The following SLC35F4 variants were observed in gnomAD, a reference collection of about 807,000 sequenced individuals.
The protein encoded by SLC35F4 is chromosome 14 open reading frame 36.
SLC35F4 carries 24 observed loss-of-function variants against 44.2 expected under a neutral mutation model. The observed-to-expected ratio is 0.54, with a 90% CI of 0.39 to 0.76. The LOEUF (loss-of-function observed/expected upper bound fraction) is 0.76, where lower values mean the gene tolerates loss of function less well. Ranked by LOEUF, SLC35F4 falls within the 30% of genes least tolerant of loss-of-function variation. SLC35F4 has a pLI of 0.00. For missense variants in SLC35F4, 562 were observed against 586.1 expected (o/e 0.96, Z 0.42); for synonymous variants, 238 against 223.6 (o/e 1.06, Z -0.57).
chr14:57,905,154 C>A (rs946332160), intron 1 of SLC35F4, among the ~76,000 whole-genome samples: 1 of 152,154 alleles, frequency 6.6e-6, no homozygotes, highest in Non-Finnish European at 1.5e-5. Context: ...TTAACTGGGG[C>A]TGGAGGATCT....
intron 1 of SLC35F4, among the ~76,000 whole-genome samples, chr14:57,970,903 T>A (rs1034121006): frequency 1.3e-5 from 2 of 152,190 alleles, no homozygotes; most frequent in African/African-American, 4.8e-5. Flanking sequence ...CTGAAGGACA[T>A]TTTTTCCTCT....
At position 57,581,397 on chromosome 14, in the gene SLC35F4, C is replaced by T. The variant is rs753191145; in HGVS notation, c.624G>A (p.Thr208=). ...CAGTTCTTTTAAGAAAGAGTTTCAG[C>T]GTCAGACCATCTTCACCAAAAATCC... The part of the protein sequence containing the change: ...CSRIFGEDGL[T]LKLFLKRTAP... The change falls in exon 4 of 8, where the codon ACG becomes ACA. Residue 208 remains threonine, a synonymous_variant. Coordinates refer to ENST00000556826, the MANE Select transcript of SLC35F4 (RefSeq NM_001306087.2). The T allele has an allele frequency of 1.4e-5, 22 of 1,612,078 alleles. No homozygotes were observed. The highest frequency in any genetic ancestry group is 1.1e-4 in the South Asian group (10 of 90,530).
chr14:57,833,051 C>T (rs1468047324), intron 1 of SLC35F4, among the ~76,000 whole-genome samples: 4 of 152,078 alleles, frequency 2.6e-5, no homozygotes, highest in Admixed American at 6.6e-5. Context: ...ATTAATTAGG[C>T]AAACTAAAAT....
At chr14:57,802,826 GCAAGCAAAAAACA>G (rs2078222191) in intron 1 of SLC35F4, among the ~76,000 whole-genome samples, 1 of 151,826 alleles carries the variant, frequency 6.6e-6, no homozygotes, top group Non-Finnish European at 1.5e-5. Flanking sequence ...GTAATAAGTA[GCAAGCAAAAAACA>G]CCCAGGACCA....
rs114683348 is a variant in SLC35F4, at chr14:57,950,964, C to T, written n.282+30949G>A. On this transcript the variant is annotated intron_variant and non_coding_transcript_variant, in intron 1 of 1. Coordinates refer to the SLC35F4 transcript ENST00000556568. Reference sequence around the variant, plus strand: ...ACAGGCACGAGCCACCACGCCCGGCCTGGATAGACTGTTTCTTAAAATTGT... The same window carrying T: ...ACAGGCACGAGCCACCACGCCCGGCTTGGATAGACTGTTTCTTAAAATTGT... 4.0e-3 allele frequency among the ~76,000 whole-genome samples: 602 copies of T among 152,238 alleles called. 3 individuals are homozygous for T. Among genetic ancestry groups the T allele is most frequent in the African/African-American group, 0.014 (572 of 41,550 alleles).
intron 1 of SLC35F4, among the ~76,000 whole-genome samples, chr14:57,742,222 AG>A (rs1181732397): frequency 1.3e-5 from 2 of 152,264 alleles, no homozygotes; most frequent in African/African-American, 4.8e-5. Context: ...CACACATAAC[AG>A]TATTAACCTT....
At chr14:57,838,523 T>A (rs149928832) in intron 1 of SLC35F4, among the ~76,000 whole-genome samples, 68 of 152,320 alleles carry the variant, frequency 4.5e-4, no homozygotes, top group African/African-American at 1.5e-3. Context: ...CTTTGCTACA[T>A]GAAATATAAT....
rs556187498 is a variant in SLC35F4 at position 57,606,321 on chromosome 14, T to C, written c.104-12197A>G. 3.8e-4 allele frequency among the ~76,000 whole-genome samples: 53 copies of C among 138,362 alleles called. 1 individual carries two copies. The South Asian group carries it at 0.011, about 29-fold the overall frequency. 90.8% of individuals were successfully genotyped at this position (138,362 alleles called of 152,430 possible). A position where few individuals can be genotyped will look rare whatever the true frequency, so the allele number is the denominator to read the frequency against. On this transcript the variant is annotated intron_variant, in intron 1 of 7. Transcript: ENST00000556826. The stretch of plus-strand genomic sequence containing the variant: ...ACTACTTTGCTTTCTATAATACTTA[T>C]ATATTTCTCCAAAAACCCATACAAA...
rs995243 is a variant in SLC35F4, at chr14:57,977,109, C to T, written n.152-152G>A. 9.2e-3 allele frequency among the ~76,000 whole-genome samples: 1,392 copies of T among 151,930 alleles called. 21 individuals carry two copies. Among genetic ancestry groups the T allele is most frequent in the African/African-American group, 0.032 (1,330 of 41,420 alleles). On this transcript the variant is annotated intron_variant and non_coding_transcript_variant, in intron 1 of 1. Transcript: ENST00000554648. Reference sequence around the variant, plus strand: ...TCTGGGATATGCTGGTTAAATCCTACCTAAAGTGAAGGAAAAAATACTACA... The same window carrying T: ...TCTGGGATATGCTGGTTAAATCCTATCTAAAGTGAAGGAAAAAATACTACA...
chr14:57,829,155 G>A lies in SLC35F4; in HGVS notation c.103+36568C>T, dbSNP rs897150441. ...CAAATGAGCTACACAGACAAATGAT[G>A]TTAGAGGCATTCAGAACAGGACCAC... On this transcript the variant is annotated intron_variant, in intron 1 of 7. Coordinates refer to ENST00000556826, the MANE Select transcript of SLC35F4 (RefSeq NM_001306087.2). Among the ~76,000 whole-genome samples, 5 of 152,208 alleles carry A rather than the reference G, an allele frequency of 3.3e-5. No individual in the cohort carries two copies. The East Asian group carries it at 7.7e-4, about 23-fold the overall frequency.
chr14:57,866,703 T>C (rs1297115333), upstream of SLC35F4, among the ~76,000 whole-genome samples: 2 of 152,118 alleles, frequency 1.3e-5, no homozygotes, highest in Non-Finnish European at 2.9e-5. Context: ...TGAGGAGAAA[T>C]GATTTTCTCC....
At chr14:57,633,537 C>A (rs2072883652) in intron 1 of SLC35F4, among the ~76,000 whole-genome samples, 1 of 152,090 alleles carries the variant, frequency 6.6e-6, no homozygotes, top group African/African-American at 2.4e-5. Context: ...ATTTTAGACT[C>A]ACATAAAAGT....
intron 2 of SLC35F4, among the ~76,000 whole-genome samples, chr14:57,590,545 G>T (rs1254963198): frequency 6.6e-6 from 1 of 152,114 alleles, no homozygotes; most frequent in African/African-American, 2.4e-5. Context: ...AGAAAATTTT[G>T]CAGCAATTTT....
chr14:57,723,971 T>G (rs902657825), intron 1 of SLC35F4, among the ~76,000 whole-genome samples: 23 of 152,286 alleles, frequency 1.5e-4, no homozygotes, highest in Admixed American at 1.4e-3. Flanking sequence ...GGTCAAGAGG[T>G]GTGGGGCCTG....
chr14:57,891,482 A>G (rs1888762721), intron 1 of SLC35F4, among the ~76,000 whole-genome samples: 1 of 152,086 alleles, frequency 6.6e-6, no homozygotes, highest in South Asian at 2.1e-4. Context: ...CAAATCTTAT[A>G]TATATATATA....
At chr14:57,905,947 A>G (rs1400331486) in intron 1 of SLC35F4, among the ~76,000 whole-genome samples, 2 of 152,062 alleles carry the variant, frequency 1.3e-5, no homozygotes, top group Non-Finnish European at 2.9e-5. Context: ...CAAAAGACAG[A>G]GCCCTGACAA....
chr14:57,884,096 T>G (rs1363304838), intron 1 of SLC35F4, among the ~76,000 whole-genome samples: 1 of 152,198 alleles, frequency 6.6e-6, no homozygotes, highest in Non-Finnish European at 1.5e-5. Context: ...CTAAATTTTC[T>G]AAATTTAGCA....
At chr14:57,782,398 CATGTCATGA>C (rs1404480965) in intron 1 of SLC35F4, among the ~76,000 whole-genome samples, 1 of 150,566 alleles carries the variant, frequency 6.6e-6, no homozygotes, top group Non-Finnish European at 1.5e-5. Context: ...AAGAAAAAGG[CATGTCATGA>C]ATGTATAAAA....
chr14:57,788,564 A>C (rs940647873), intron 1 of SLC35F4, among the ~76,000 whole-genome samples: 2 of 152,124 alleles, frequency 1.3e-5, no homozygotes, highest in African/African-American at 4.8e-5. Context: ...CACATCAAGC[A>C]CTCTGTCAGA....
Sources: gnomAD v4.1 joint callset for allele counts (sites outside exome capture counted in the v4.1 genomes callset) on GRCh38, gnomAD v4.1.1 for gene constraint, MANE v1.5 for transcripts, NCBI Gene and HGNC (gene_info 2026-07-23, HGNC 2026-07-21) for gene names.